Variants in SPATA16 observed in about 807,000 individuals in gnomAD.
The protein encoded by SPATA16 is spermatogenesis-associated protein 16.
SPATA16 carries 36 observed loss-of-function variants against 63.3 expected under a neutral mutation model. The ratio of observed to expected loss-of-function variants is 0.57; its 90% CI spans 0.44 to 0.75. SPATA16 has a LOEUF of 0.75. Ranked by LOEUF, SPATA16 falls within the 30% of genes least tolerant of loss-of-function variation. The pLI is 0.00. For synonymous variants in SPATA16, 203 were observed against 216.7 expected, an observed-to-expected ratio of 0.94 and a Z score of 0.56; for missense variants, 646 against 679.3, an observed-to-expected ratio of 0.95 and a Z score of 0.54.
chr3:172,916,472 GA>G lies in SPATA16; in HGVS notation c.1347del (p.Pro450LeufsTer6). On this transcript the variant is annotated frameshift_variant, in exon 9 of 11. Transcript: ENST00000351008. LOFTEE classifies it high-confidence loss of function. ...TTCTCCATCACACCTGAGGATGCAG[GA>G]AAACTCCCCTAGTCTCAAAGTAAAA... is the stretch of plus-strand genomic sequence containing the variant. Reference protein sequence around the residue: ...FIRSTQLNGSFPASSGVMEKL... With the variant: ...FIRSTQLNGSXPASSGVMEKL... 6.2e-7 allele frequency: 1 copy of G among 1,613,574 alleles called. No homozygotes were observed. Among genetic ancestry groups the G allele is most frequent in the Non-Finnish European group, 8.5e-7 (1 of 1,179,644 alleles).
chr3:173,004,742 A>C (rs544145008), intron 4 of SPATA16, among the ~76,000 whole-genome samples: 2 of 152,332 alleles, frequency 1.3e-5, no homozygotes, highest in South Asian at 4.1e-4. Flanking sequence ...TTTAAAATTG[A>C]GAGTTTATGA....
chr3:172,975,126 CAG>C (rs970383780), intron 5 of SPATA16, among the ~76,000 whole-genome samples: 2 of 151,972 alleles, frequency 1.3e-5, no homozygotes, highest in Admixed American at 6.6e-5. Flanking sequence ...CTAAAGGAAA[CAG>C]AAAAATTTTT....
At chr3:173,067,605 A>G (rs1736552786) in intron 2 of SPATA16, among the ~76,000 whole-genome samples, 2 of 152,122 alleles carry the variant, frequency 1.3e-5, no homozygotes, top group South Asian at 2.1e-4. Context: ...GAAAGTTGGG[A>G]AAAAAAAGAA....
chr3:172,970,414 A>G (rs1161661711), intron 5 of SPATA16, among the ~76,000 whole-genome samples: 1 of 152,182 alleles, frequency 6.6e-6, no homozygotes, highest in East Asian at 1.9e-4. Context: ...AATTTTTACA[A>G]TTCTATTCAG....
chr3:173,125,041 A>G (rs747562578), intron 1 of SPATA16, among the ~76,000 whole-genome samples: 1 of 152,146 alleles, frequency 6.6e-6, no homozygotes, highest in Non-Finnish European at 1.5e-5. Context: ...TAAATTATCT[A>G]ATACATCTTA....
intron 2 of SPATA16, among the ~76,000 whole-genome samples, chr3:173,074,579 G>A (rs1365686258): frequency 6.6e-6 from 1 of 152,064 alleles, no homozygotes; most frequent in Non-Finnish European, 1.5e-5. Context: ...TGAGACCCCT[G>A]TCCCCAAGCC....
rs76840802 is a variant in SPATA16 at position 173,106,645 on chromosome 3, C to A, written c.612+10475G>T. ...ATGTCCTCTTCCTGGTTTAGATCCT[C>A]CAGAATCTCACTCTATCTATCCACC... is the stretch of plus-strand genomic sequence containing the variant. On this transcript the variant is annotated intron_variant, in intron 2 of 10. Transcript: ENST00000351008. Among the ~76,000 whole-genome samples, 559 of 152,276 alleles carry A rather than the reference C, an allele frequency of 3.7e-3. 2 individuals carry two copies. The highest frequency in any genetic ancestry group is 5.3e-3 in the Non-Finnish European group (362 of 68,014).
Position 172,889,663 on chromosome 3 carries a change from T to C in SPATA16, c.1617A>G (p.Gln539=), listed in dbSNP as rs770699741. 2 of 1,613,626 alleles carry C rather than the reference T, an allele frequency of 1.2e-6. No individual in the cohort carries two copies. The highest frequency in any genetic ancestry group is 1.7e-5 in the Admixed American group (1 of 60,014). ...KVGQIEDFLY[Q]LEDSFLKTKK... ...TAGTTTTTAAGAAACTGTCCTCTAA[T>C]TGGTATAGAAAATCTTCAATTTGTC... Residue 539 remains glutamine, a synonymous_variant, in exon 11 of 11, where the codon CAA becomes CAG. Coordinates refer to ENST00000351008, the MANE Select transcript of SPATA16 (RefSeq NM_031955.6).
intron 2 of SPATA16, among the ~76,000 whole-genome samples, chr3:173,069,205 G>A (rs943576138): frequency 6.6e-6 from 1 of 151,676 alleles, no homozygotes; most frequent in African/African-American, 2.4e-5. Flanking sequence ...ATGAAAAGTG[G>A]CTTCTTAAAA....
chr3:173,085,768 A>G (rs1737035235), intron 2 of SPATA16, among the ~76,000 whole-genome samples: 1 of 152,156 alleles, frequency 6.6e-6, no homozygotes, highest in South Asian at 2.1e-4. Context: ...ATCTATTGAG[A>G]TAATCATATG....
At chr3:172,940,876 G>T (rs112511987) in intron 6 of SPATA16, among the ~76,000 whole-genome samples, 7 of 151,998 alleles carry the variant, frequency 4.6e-5, no homozygotes, top group African/African-American at 9.7e-5. Context: ...ACAGCTACTC[G>T]GGAGGCTGAG....
chr3:173,013,659 C>T (rs1404946050), intron 4 of SPATA16, among the ~76,000 whole-genome samples: 1 of 152,224 alleles, frequency 6.6e-6, no homozygotes, highest in Non-Finnish European at 1.5e-5. Flanking sequence ...ACCCAGATGT[C>T]CATTATCTTG....
chr3:172,998,640 A>G (rs1019223769), intron 4 of SPATA16, among the ~76,000 whole-genome samples: 11 of 152,262 alleles, frequency 7.2e-5, no homozygotes, highest in African/African-American at 2.6e-4. Flanking sequence ...GAAAGTTTCA[A>G]GTTTCTCACC....
intron 10 of SPATA16, among the ~76,000 whole-genome samples, chr3:172,890,950 CAT>C (rs1368964541): frequency 1.4e-5 from 2 of 138,914 alleles, no homozygotes; most frequent in Admixed American, 1.4e-4. Context: ...CTATGTATTC[CAT>C]ATATATATAC....
At chr3:173,064,376 C>T (rs755114727) in intron 2 of SPATA16, among the ~76,000 whole-genome samples, 12 of 147,932 alleles carry the variant, frequency 8.1e-5, no homozygotes, top group Admixed American at 2.0e-4. Flanking sequence ...TCCTCAAGTT[C>T]AATCCTCTAT....
At chr3:172,904,017 C>A (rs1300299487) in intron 10 of SPATA16, among the ~76,000 whole-genome samples, 1 of 152,194 alleles carries the variant, frequency 6.6e-6, no homozygotes, top group South Asian at 2.1e-4. Context: ...CAATTAAGAA[C>A]AAGCCTTTGA....
intron 5 of SPATA16, among the ~76,000 whole-genome samples, chr3:172,964,140 G>A (rs1295702258): frequency 6.6e-6 from 1 of 152,130 alleles, no homozygotes; most frequent in Non-Finnish European, 1.5e-5. Flanking sequence ...CCACAAGTAA[G>A]ACTGTTTTGT....
chr3:172,972,936 G>A lies in SPATA16; in HGVS notation c.933+4032C>T, dbSNP rs1466861423. On this transcript the variant is annotated intron_variant, in intron 5 of 10. Transcript: ENST00000351008. ...ATGACCTCATTTACTTGAGGACAAA[G>A]GAAATGACGTATTATAAATTTTAGT... 2.6e-5 allele frequency among the ~76,000 whole-genome samples: 4 copies of A among 152,130 alleles called. No individual in the cohort carries two copies. In the East Asian group the frequency reaches 5.8e-4, roughly 22 times the overall value.
At chr3:173,051,242 T>A (rs781385215) in intron 2 of SPATA16, among the ~76,000 whole-genome samples, 4 of 152,162 alleles carry the variant, frequency 2.6e-5, no homozygotes, top group Non-Finnish European at 5.9e-5. Flanking sequence ...TGGCTGTGTC[T>A]CCCAGGCTGG....
Sources: allele counts gnomAD v4.1 joint callset (sites outside exome capture counted in the v4.1 genomes callset), GRCh38; gene constraint gnomAD v4.1.1; transcripts MANE v1.5; gene names NCBI Gene and HGNC (gene_info 2026-07-23, HGNC 2026-07-21).